FAF1: variants seen among roughly 807,000 people sequenced by gnomAD.
The protein encoded by FAF1 is Fas associated factor 1, also known as FAS-associated factor 1.
In FAF1, 25 loss-of-function variants were observed where a neutral mutation model predicts 92.5. The ratio of observed to expected loss-of-function variants is 0.27; its 90% CI spans 0.20 to 0.38. FAF1 has a LOEUF of 0.38. Ranked by LOEUF, FAF1 falls within the 10% of genes least tolerant of loss-of-function variation. The pLI is 1.00. For synonymous variants in FAF1, 234 were observed against 273.2 expected (o/e 0.86, Z 1.42); for missense variants, 636 against 793.3 (o/e 0.80, Z 2.38).
At chr1:50,577,721 C>T (rs1650817500) in intron 12 of FAF1, among the ~76,000 whole-genome samples, 1 of 152,138 alleles carries the variant, frequency 6.6e-6, no homozygotes, top group Non-Finnish European at 1.5e-5. Flanking sequence ...ATGTGATAAA[C>T]ATTTATAGCC....
At chr1:50,683,108 TCAG>T (rs1656496522) in intron 7 of FAF1, among the ~76,000 whole-genome samples, 1 of 152,146 alleles carries the variant, frequency 6.6e-6, no homozygotes, top group African/African-American at 2.4e-5. Flanking sequence ...AAAAATAGTT[TCAG>T]GTTTAGATGA....
intron 1 of FAF1, among the ~76,000 whole-genome samples, chr1:50,890,922 GGAAGTT>G (rs1308635785): frequency 6.6e-6 from 1 of 152,126 alleles, no homozygotes; most frequent in Non-Finnish European, 1.5e-5. Flanking sequence ...GCTAGATTGG[GGAAGTT>G]CTCCTGGATA....
At chr1:50,463,454 A>AC (rs763136684) in intron 18 of FAF1, among the ~76,000 whole-genome samples, 12 of 152,098 alleles carry the variant, frequency 7.9e-5, no homozygotes, top group Non-Finnish European at 1.3e-4. Context: ...AGTCTTGGGG[A>AC]CCCCCAACAC....
At chr1:50,698,636 C>A (rs1225744564) in intron 7 of FAF1, among the ~76,000 whole-genome samples, 1 of 151,956 alleles carries the variant, frequency 6.6e-6, no homozygotes, top group Non-Finnish European at 1.5e-5. Flanking sequence ...ATGTTTTTCT[C>A]CCCAAGGATA....
At chr1:50,793,775 A>T (rs574660495) in intron 3 of FAF1, among the ~76,000 whole-genome samples, 1 of 152,356 alleles carries the variant, frequency 6.6e-6, no homozygotes, top group Admixed American at 6.5e-5. Context: ...GATCTTGATT[A>T]ACTTGACATT....
At chr1:50,555,852 T>A (rs1649548903) in intron 13 of FAF1, among the ~76,000 whole-genome samples, 4 of 152,004 alleles carry the variant, frequency 2.6e-5, no homozygotes, top group African/African-American at 9.7e-5. Context: ...AGATAGGGAA[T>A]CAACTTCAAG....
At chr1:50,595,334 G>A (rs1651746064) in intron 9 of FAF1, among the ~76,000 whole-genome samples, 2 of 152,012 alleles carry the variant, frequency 1.3e-5, no homozygotes, top group Admixed American at 1.3e-4. Flanking sequence ...GATTACAGGT[G>A]TAAGTCACTG....
intron 15 of FAF1, among the ~76,000 whole-genome samples, chr1:50,529,428 A>C (rs1648018249): frequency 6.6e-6 from 1 of 152,230 alleles, no homozygotes; most frequent in Non-Finnish European, 1.5e-5. Flanking sequence ...ATAAATTGTA[A>C]CAGATGTGAT....
chr1:50,473,225 C>A (rs772500452), intron 18 of FAF1, among the ~76,000 whole-genome samples: 11 of 152,166 alleles, frequency 7.2e-5, no homozygotes, highest in Non-Finnish European at 1.2e-4. Context: ...GAGTTTTACC[C>A]TGTGGAAAGA....
intron 7 of FAF1, among the ~76,000 whole-genome samples, chr1:50,697,549 A>T (rs1473494001): frequency 6.6e-6 from 1 of 152,136 alleles, no homozygotes; most frequent in Non-Finnish European, 1.5e-5. Flanking sequence ...GAGCAACTTA[A>T]AACAAATTTC....
At chr1:50,697,315 A>G (rs929525256) in intron 7 of FAF1, among the ~76,000 whole-genome samples, 7 of 152,334 alleles carry the variant, frequency 4.6e-5, no homozygotes, top group East Asian at 3.9e-4. Context: ...CTAAATATTT[A>G]ATAACAGTTC....
chr1:50,805,290 T>G (rs767516383), intron 2 of FAF1, among the ~76,000 whole-genome samples: 4 of 152,222 alleles, frequency 2.6e-5, no homozygotes, highest in Admixed American at 6.5e-5. Flanking sequence ...GCCTTCATGC[T>G]AATTATGTTC....
chr1:50,718,348 G>A (rs1392758601), intron 6 of FAF1, among the ~76,000 whole-genome samples: 2 of 152,112 alleles, frequency 1.3e-5, no homozygotes, highest in Non-Finnish European at 2.9e-5. Flanking sequence ...TTTAATCAGT[G>A]TAAATGGGAA....
At chr1:50,557,615 AAT>A (rs1464659812) in intron 13 of FAF1, among the ~76,000 whole-genome samples, 1 of 152,180 alleles carries the variant, frequency 6.6e-6, no homozygotes, top group Non-Finnish European at 1.5e-5. Flanking sequence ...AACACTGTAA[AAT>A]ATGTCAGAGG....
chr1:50,534,140 C>T (rs1648337422), intron 15 of FAF1, among the ~76,000 whole-genome samples: 1 of 152,108 alleles, frequency 6.6e-6, no homozygotes, highest in Non-Finnish European at 1.5e-5. Flanking sequence ...TGAAGCTATT[C>T]CCTACTTTCC....
At chr1:50,872,814 C>T (rs1157303666) in intron 1 of FAF1, among the ~76,000 whole-genome samples, 2 of 151,774 alleles carry the variant, frequency 1.3e-5, no homozygotes, top group Non-Finnish European at 2.9e-5. Context: ...GCAGGAGAAT[C>T]GCTTGAACCT....
intron 17 of FAF1, 97 bp from the exon 18 acceptor site, chr1:50,475,776 A>G: frequency 1.4e-6 from 1 of 720,810 alleles, no homozygotes; most frequent in East Asian, 2.7e-5. Context: ...GTTTTCTAGA[A>G]ATTCATTGAA....
chr1:50,507,569 T>TA (rs1243032693), intron 15 of FAF1, among the ~76,000 whole-genome samples: 1 of 152,024 alleles, frequency 6.6e-6, no homozygotes, highest in Non-Finnish European at 1.5e-5. Flanking sequence ...GCGAGACCCA[T>TA]AAAAAATAAT....
chr1:50,699,744 A>C (rs1264643370), intron 7 of FAF1, among the ~76,000 whole-genome samples: 2 of 152,150 alleles, frequency 1.3e-5, no homozygotes, highest in African/African-American at 4.8e-5. Context: ...AAACTAAAAA[A>C]GCTTTCCTTT....
Sources: allele counts gnomAD v4.1 joint callset (sites outside exome capture counted in the v4.1 genomes callset), GRCh38; gene constraint gnomAD v4.1.1; transcripts MANE v1.5; gene names NCBI Gene and HGNC (gene_info 2026-07-23, HGNC 2026-07-21).